TMEM132D: variants seen among roughly 807,000 people sequenced by gnomAD.
TMEM132D encodes transmembrane protein 132D, also known as mature OL transmembrane protein.
Under a neutral mutation model 62.3 loss-of-function variants are expected in TMEM132D, and 21 were observed. The observed-to-expected ratio is 0.34, with a 90% confidence interval of 0.24 to 0.49. TMEM132D has a LOEUF of 0.49. Ranked by LOEUF, TMEM132D falls within the 20% of genes least tolerant of loss-of-function variation. TMEM132D has a pLI of 0.99. For synonymous variants in TMEM132D, 621 were observed against 575.6 expected (o/e 1.08, Z -1.13); for missense variants, 1,346 against 1,402.8 (o/e 0.96, Z 0.65).
At chr12:129,897,566 A>T (rs148169784) in intron 1 of TMEM132D, among the ~76,000 whole-genome samples, 1 of 152,258 alleles carries the variant, frequency 6.6e-6, no homozygotes, top group Admixed American at 6.5e-5. Context: ...GGAGGAAAAT[A>T]AAAATAAAAA....
chr12:129,230,908 C>T (rs1198357351), intron 4 of TMEM132D, among the ~76,000 whole-genome samples: 2 of 152,216 alleles, frequency 1.3e-5, no homozygotes, highest in Non-Finnish European at 2.9e-5. Flanking sequence ...TGGGTTAGCA[C>T]TGTGCTCAAT....
intron 2 of TMEM132D, among the ~76,000 whole-genome samples, chr12:129,619,812 A>G (rs1445000021): frequency 6.6e-6 from 1 of 152,188 alleles, no homozygotes; most frequent in Non-Finnish European, 1.5e-5. Context: ...TTCAGTAATC[A>G]TTTTCTTCTT....
At chr12:129,207,599 G>C (rs1049617235) in intron 5 of TMEM132D, among the ~76,000 whole-genome samples, 1 of 152,120 alleles carries the variant, frequency 6.6e-6, no homozygotes, top group African/African-American at 2.4e-5. Context: ...TGCCTGTCCT[G>C]TTACAGGAGT....
chr12:129,238,233 A>C (rs1472442387), intron 4 of TMEM132D, among the ~76,000 whole-genome samples: 9 of 152,322 alleles, frequency 5.9e-5, no homozygotes, highest in Admixed American at 6.5e-5. Context: ...ATGCAATAGA[A>C]GGTTTTTAAG....
At chr12:129,677,115 AC>A (rs1386309890) in intron 2 of TMEM132D, among the ~76,000 whole-genome samples, 1 of 152,220 alleles carries the variant, frequency 6.6e-6, no homozygotes, top group Non-Finnish European at 1.5e-5. Flanking sequence ...GACAGTTAAT[AC>A]GGTTGGGCTG....
At chr12:129,864,388 T>C (rs1407667754) in intron 1 of TMEM132D, among the ~76,000 whole-genome samples, 1 of 152,324 alleles carries the variant, frequency 6.6e-6, no homozygotes, top group African/African-American at 2.4e-5. Flanking sequence ...CATATGTAAC[T>C]ATCCTGCTTT....
intron 3 of TMEM132D, among the ~76,000 whole-genome samples, chr12:129,498,788 TG>T (rs1449536866): frequency 6.6e-6 from 1 of 152,180 alleles, no homozygotes; most frequent in Non-Finnish European, 1.5e-5. Flanking sequence ...TATATAAAGT[TG>T]TTTAAGAAGT....
chr12:129,839,117 A>ATTTTTTTTGTTTTT (rs1873098517), intron 1 of TMEM132D, among the ~76,000 whole-genome samples: 1 of 20,704 alleles, frequency 4.8e-5, no homozygotes, highest in Admixed American at 1.3e-3. Context: ...CGCCTGGCTA[A>ATTTTTTTTGTTTTT]TTTTTTTTTT....
chr12:129,612,806 G>A (rs1878811814), intron 2 of TMEM132D, among the ~76,000 whole-genome samples: 1 of 152,178 alleles, frequency 6.6e-6, no homozygotes, highest in Admixed American at 6.5e-5. Context: ...GGCAGAGGTT[G>A]CAGTGAGCCG....
chr12:129,374,720 A>C (rs1335928042), intron 3 of TMEM132D, among the ~76,000 whole-genome samples: 1 of 152,172 alleles, frequency 6.6e-6, no homozygotes, highest in African/African-American at 2.4e-5. Flanking sequence ...AAGGACACCA[A>C]ATTTTGCTCC....
At chr12:129,310,480 C>G (rs76996843) in intron 4 of TMEM132D, among the ~76,000 whole-genome samples, 1 of 152,270 alleles carries the variant, frequency 6.6e-6, no homozygotes, top group Admixed American at 6.5e-5. Flanking sequence ...GAGAGAGAAC[C>G]GGAAAGGAAA....
At chr12:129,901,874 C>A (rs35779804) in intron 1 of TMEM132D, among the ~76,000 whole-genome samples, 15,020 of 146,212 alleles carry the variant, frequency 0.1, 820 homozygotes, top group Middle Eastern at 0.2. Flanking sequence ...CCCCCCGCCC[C>A]AAAAAAAAAA....
At chr12:129,436,785 T>C (rs1307698142) in intron 3 of TMEM132D, among the ~76,000 whole-genome samples, 1 of 152,142 alleles carries the variant, frequency 6.6e-6, no homozygotes, top group Non-Finnish European at 1.5e-5. Flanking sequence ...TACACATACA[T>C]GTATACCGAC....
intron 4 of TMEM132D, among the ~76,000 whole-genome samples, chr12:129,239,026 C>T (rs1449945600): frequency 1.5e-5 from 2 of 134,418 alleles, no homozygotes; most frequent in African/African-American, 2.9e-5. Context: ...CAGTAACTAT[C>T]CCAGTGGGTT....
At position 129,255,377 on chromosome 12, in the gene TMEM132D, A is replaced by G. The variant is rs78393141; in HGVS notation, c.1300-45714T>C. Among the ~76,000 whole-genome samples, 438 of 152,224 alleles carry G rather than the reference A, an allele frequency of 2.9e-3. 2 individuals are homozygous for G. The highest frequency in any genetic ancestry group is 9.1e-3 in the South Asian group (44 of 4,816). On this transcript the variant is annotated intron_variant, in intron 4 of 8. Transcript: ENST00000422113. The stretch of plus-strand genomic sequence containing the variant: ...ACAAGAGAGTTGATTATTTCCTTTT[A>G]CTGATGTGTTCACTCAAGGTTTGAC...
At chr12:129,819,435 C>T (rs1194145566) in intron 1 of TMEM132D, among the ~76,000 whole-genome samples, 1 of 152,158 alleles carries the variant, frequency 6.6e-6, no homozygotes, top group Non-Finnish European at 1.5e-5. Context: ...GCTATCTCTT[C>T]AGATCTCCGT....
chr12:129,714,313 T>C (rs1403858330), intron 1 of TMEM132D, among the ~76,000 whole-genome samples: 1 of 152,234 alleles, frequency 6.6e-6, no homozygotes, highest in East Asian at 1.9e-4. Flanking sequence ...TCTGAAATGG[T>C]ATTTTCTATT....
chr12:129,261,533 C>T (rs57631949), intron 4 of TMEM132D, among the ~76,000 whole-genome samples: 3 of 152,224 alleles, frequency 2.0e-5, no homozygotes, highest in South Asian at 2.1e-4. Flanking sequence ...TTTATAAATT[C>T]CTGAGTCTTG....
intron 2 of TMEM132D, among the ~76,000 whole-genome samples, chr12:129,609,029 C>T (rs1565921297): frequency 6.6e-6 from 1 of 151,888 alleles, no homozygotes; most frequent in Non-Finnish European, 1.5e-5. Flanking sequence ...CAACCTCTAC[C>T]TCCTGGGTTC....
Sources: allele counts gnomAD v4.1 joint callset (sites outside exome capture counted in the v4.1 genomes callset), GRCh38; gene constraint gnomAD v4.1.1; transcripts MANE v1.5; gene names NCBI Gene and HGNC (gene_info 2026-07-23, HGNC 2026-07-21).